The following ADH6 variants were observed in gnomAD, a reference collection of about 807,000 sequenced individuals.
The protein encoded by ADH6 is alcohol dehydrogenase 6.
ADH6 carries 34 observed loss-of-function variants against 36.5 expected under a neutral mutation model. That is an observed-to-expected ratio of 0.93 (90% CI 0.71 to 1.24). The LOEUF (loss-of-function observed/expected upper bound fraction) is 1.24, where lower values mean the gene tolerates loss of function less well. Among genes scored for constraint, ADH6 ranks in the 50% most tolerant of loss-of-function variants. The pLI, the probability that ADH6 is intolerant of heterozygous loss-of-function variation, is 0.00. For synonymous variants in ADH6, 161 were observed against 155.5 expected (o/e 1.04, Z -0.26); for missense variants, 440 against 447.0 (o/e 0.98, Z 0.14).
chr4:99,213,336 T>TC (rs1227084716), intron 3 of ADH6, among the ~76,000 whole-genome samples: 1 of 152,200 alleles, frequency 6.6e-6, no homozygotes, highest in Non-Finnish European at 1.5e-5. Context: ...AACCTTTTTT[T>TC]CATAAATTTT....
chr4:99,210,078 T>TC lies in ADH6; in HGVS notation c.567+3dup. The TC allele has an allele frequency of 3.1e-6, 5 of 1,613,158 alleles. No homozygotes were observed. The highest frequency in any genetic ancestry group is 4.2e-6 in the Non-Finnish European group (5 of 1,179,502). Reference sequence around the variant, plus strand: ...CCTTCCAAATGGGTATAAATGCCCCTCACCTTGGCAGTATTGATTGCAGCA... The same window carrying TC: ...CCTTCCAAATGGGTATAAATGCCCCTCCACCTTGGCAGTATTGATTGCAGCA... On this transcript the variant is annotated splice_donor_region_variant and intron_variant, in intron 5 of 8. Transcript: ENST00000394899.
At chr4:99,217,105 G>A (rs1196791886) in intron 1 of ADH6, among the ~76,000 whole-genome samples, 1 of 151,976 alleles carries the variant, frequency 6.6e-6, no homozygotes, top group Non-Finnish European at 1.5e-5. Context: ...GCACGATCTC[G>A]GCTCACTGCA....
chr4:99,204,343 T>G, intron 8 of ADH6, 100 bp from the exon 9 acceptor site: 1 of 1,508,144 alleles, frequency 6.6e-7, no homozygotes, highest in East Asian at 2.4e-5. Context: ...AAACTAGATT[T>G]TTTTTCTCTT....
chr4:99,203,987 C>A lies in ADH6; in HGVS notation c.*232G>T. The A allele has an allele frequency of 3.9e-6, 2 of 506,592 alleles. No individual in the cohort carries two copies. The highest frequency in any genetic ancestry group is 6.8e-6 in the Non-Finnish European group (2 of 292,686). 31.4% of individuals were successfully genotyped at this position (506,592 alleles called of 1,614,324 possible). A position where few individuals can be genotyped will look rare whatever the true frequency, so the allele number is the denominator to read the frequency against. On this transcript the variant is annotated 3_prime_UTR_variant, in exon 9 of 9. Coordinates refer to ENST00000394899, the MANE Select transcript of ADH6 (RefSeq NM_001102470.2). ...TGTGGAGTTGAGTGATTCAAGCCAACCTTAATCTAGCTCTGAAAAGGAGGC... is the reference window on the plus strand; with the variant it reads ...TGTGGAGTTGAGTGATTCAAGCCAAACTTAATCTAGCTCTGAAAAGGAGGC...
rs1272759319 is a variant in ADH6 at position 99,203,173 on chromosome 4, A to T, written c.*1046T>A. On this transcript the variant is annotated 3_prime_UTR_variant, in exon 9 of 9. Transcript: ENST00000394899. ...AGGGACCCCTGTGTGATCTAGTGGG[A>T]GTCCAGAGCTAGGGGAGTCCAGCTG... The T allele has an allele frequency of 5.9e-6, 1 of 169,124 alleles. No homozygotes were observed. The highest frequency in any genetic ancestry group is 1.3e-5 in the Non-Finnish European group (1 of 79,426). 10.5% of individuals were successfully genotyped at this position (169,124 alleles called of 1,614,324 possible). A position where few individuals can be genotyped will look rare whatever the true frequency, so the allele number is the denominator to read the frequency against.
rs1401788182 is a variant in ADH6 at position 99,204,995 on chromosome 4, G to A, written c.1033C>T (p.Pro345Ser). 1.2e-6 allele frequency: 2 copies of A among 1,609,498 alleles called. No homozygotes were observed. The highest frequency in any genetic ancestry group is 2.2e-5 in the East Asian group (1 of 44,558). ...DYMAEKLNLDPLITHTLNLDK... is the reference protein window; with the variant it reads ...DYMAEKLNLDSLITHTLNLDK... The stretch of plus-strand genomic sequence containing the variant: ...AGATTCAGAGTATGAGTAATTAGTG[G>A]ATCTAGATTCAACTTCTCTGCCATA... Residue 345 changes from proline (P) to serine (S), a missense_variant, in exon 8 of 9, where the codon CCA (proline) becomes TCA (serine). Pro to Ser is a moderately conservative substitution (Grantham distance 74). Transcript: ENST00000394899.
intron 8 of ADH6, chr4:99,204,612 CTT>C (rs1264792807): frequency 8.6e-7 from 1 of 1,168,518 alleles, no homozygotes; most frequent in Admixed American, 4.5e-5. Context: ...TGTTTTTAAA[CTT>C]GAGCTACAAT....
Position 99,213,721 on chromosome 4 carries a change from T to C in ADH6, c.147A>G (p.Thr49=). Residue 49 remains threonine, a synonymous_variant, in exon 3 of 9, where the codon ACA becomes ACG. Coordinates refer to ENST00000394899, the MANE Select transcript of ADH6 (RefSeq NM_001102470.2). ...GTTTACTCCCCAACACTTTCATCTC[T>C]GTACCACACAGTCCGGTGGCCACAA... The part of the protein sequence containing the change: ...IKVVATGLCG[T]EMKVLGSKHL... 3 of 1,613,160 alleles carry C rather than the reference T, an allele frequency of 1.9e-6. No homozygotes were observed. The highest frequency in any genetic ancestry group is 2.5e-6 in the Non-Finnish European group (3 of 1,179,630).
At chr4:99,205,309 G>C (rs1179656222) in intron 7 of ADH6, among the ~76,000 whole-genome samples, 1 of 152,032 alleles carries the variant, frequency 6.6e-6, no homozygotes, top group Non-Finnish European at 1.5e-5. Flanking sequence ...TGTGGACCTT[G>C]CCTTGAGTGT....
Position 99,207,445 on chromosome 4 carries a change from C to A in ADH6, c.964+1G>T, listed in dbSNP as rs1731073539. 3 of 1,613,176 alleles carry A rather than the reference C, an allele frequency of 1.9e-6. No homozygotes were observed. Among genetic ancestry groups the A allele is most frequent in the Non-Finnish European group, 2.5e-6 (3 of 1,179,374 alleles). On this transcript the variant is annotated splice_donor_variant, in intron 7 of 8. Coordinates refer to ENST00000394899, the MANE Select transcript of ADH6 (RefSeq NM_001102470.2). LOFTEE classifies it high-confidence loss of function. ...TCCACCTTTCCCTGCTTCATCCATACCTCCAAAAACAGAACCCTTCAAAGA... is the reference window on the plus strand; with the variant it reads ...TCCACCTTTCCCTGCTTCATCCATAACTCCAAAAACAGAACCCTTCAAAGA...
rs189318592 is a variant in ADH6 at position 99,203,872 on chromosome 4, A to G, written c.*347T>C. The G allele has an allele frequency of 4.4e-4, 91 of 205,796 alleles. No homozygotes were observed. The highest frequency in any genetic ancestry group is 8.2e-4 in the Non-Finnish European group (85 of 103,714). 12.7% of individuals were successfully genotyped at this position (205,796 alleles called of 1,614,324 possible). ...AGTTTCATGTCTAGGCCTGTGAGAG[A>G]GACATATAGTGTACAAGAATATAAA... On this transcript the variant is annotated 3_prime_UTR_variant, in exon 9 of 9. Transcript: ENST00000394899.
chr4:99,210,577 A>G, intron 3 of ADH6, 75 bp from the exon 4 acceptor site: 1 of 1,137,380 alleles, frequency 8.8e-7, no homozygotes, highest in South Asian at 1.3e-5. Context: ...CAGGATTTTG[A>G]CAGCAAGGCA....
rs776591290 is a variant in ADH6, at chr4:99,216,156, T to G, written c.120+5A>C. 4.9e-6 allele frequency: 7 copies of G among 1,441,380 alleles called. No homozygotes were observed. The African/African-American group carries it at 7.3e-5, about 15-fold the overall frequency. 89.3% of individuals were successfully genotyped at this position (1,441,380 alleles called of 1,614,324 possible). ...TGTGATTTTTTTTTTTTTTTTTTTT[T>G]TTACCTTTATGCGAACTTCCTTTGC... On this transcript the variant is annotated splice_donor_5th_base_variant and intron_variant, in intron 2 of 8. Coordinates refer to ENST00000394899, the MANE Select transcript of ADH6 (RefSeq NM_001102470.2).
intron 1 of ADH6, among the ~76,000 whole-genome samples, chr4:99,217,220 T>C (rs1235507434): frequency 6.6e-6 from 1 of 152,014 alleles, no homozygotes; most frequent in Non-Finnish European, 1.5e-5. Flanking sequence ...GTATTTTTAG[T>C]AGAGACGGGG....
At chr4:99,207,076 T>C (rs966733608) in intron 7 of ADH6, among the ~76,000 whole-genome samples, 28 of 152,238 alleles carry the variant, frequency 1.8e-4, no homozygotes, top group African/African-American at 6.7e-4. Flanking sequence ...AGTTGAACAA[T>C]GACAACTAAT....
At chr4:99,213,515 C>T in intron 3 of ADH6, 91 bp downstream of exon 3, 1 of 1,257,256 alleles carries the variant, frequency 8.0e-7, no homozygotes, top group Non-Finnish European at 1.1e-6. Context: ...TTTCATTTCA[C>T]TTGATCCTGA....
chr4:99,211,527 G>A (rs1201898638), intron 3 of ADH6, among the ~76,000 whole-genome samples: 6 of 152,074 alleles, frequency 3.9e-5, no homozygotes, highest in African/African-American at 1.4e-4. Flanking sequence ...AATGCCCTCC[G>A]AAAGATATCC....
intron 2 of ADH6, among the ~76,000 whole-genome samples, chr4:99,214,805 G>C (rs1731344307): frequency 6.6e-6 from 1 of 152,188 alleles, no homozygotes. Context: ...CCATAAAATT[G>C]CCTGAATTGC....
At position 99,204,254 on chromosome 4, in the gene ADH6, GA is replaced by G; in HGVS notation, c.1104-12del. On this transcript the variant is annotated splice_polypyrimidine_tract_variant and intron_variant, in intron 8 of 8. Coordinates refer to ENST00000394899, the MANE Select transcript of ADH6 (RefSeq NM_001102470.2). ...AGGATACAGCGGATACTGAAAAAAA[GA>G]AGAAGAGAAAAAAGGTTGGAACATT... 1 of 1,598,244 alleles carries G rather than the reference GA, an allele frequency of 6.3e-7. No individual in the cohort carries two copies. The highest frequency in any genetic ancestry group is 8.5e-7 in the Non-Finnish European group (1 of 1,177,990).
Sources: allele counts gnomAD v4.1 joint callset (sites outside exome capture counted in the v4.1 genomes callset), GRCh38; gene constraint gnomAD v4.1.1; transcripts MANE v1.5; gene names NCBI Gene and HGNC (gene_info 2026-07-23, HGNC 2026-07-21).